OCA2: variants seen among roughly 807,000 people sequenced by gnomAD.
OCA2 encodes the protein OCA2 melanosomal transmembrane protein.
A neutral mutation model predicts 100.2 loss-of-function variants in OCA2; 77 were observed. The observed-to-expected ratio is 0.77, with a 90% confidence interval of 0.64 to 0.93. The LOEUF is 0.93. Among genes scored for constraint, OCA2 ranks in the 40% least tolerant of loss-of-function variants. OCA2 has a pLI of 0.00. For missense variants in OCA2, 1,062 were observed against 1,089.1 expected (o/e 0.98, Z 0.35); for synonymous variants, 432 against 439.2 (o/e 0.98, Z 0.21).
intron 7 of OCA2, among the ~76,000 whole-genome samples, chr15:28,016,725 G>T (rs1164831122): frequency 1.3e-5 from 2 of 152,044 alleles, no homozygotes; most frequent in Non-Finnish European, 2.9e-5. Context: ...AAGTTACAGT[G>T]AGCTGAGATC....
At chr15:28,031,241 T>C (rs1401231958) in intron 3 of OCA2, among the ~76,000 whole-genome samples, 2 of 152,216 alleles carry the variant, frequency 1.3e-5, no homozygotes, top group Non-Finnish European at 2.9e-5. Flanking sequence ...TCCCATTCCT[T>C]TGGATTCTGT....
chr15:27,795,545 C>G (rs1178849252), intron 23 of OCA2, among the ~76,000 whole-genome samples: 1 of 152,234 alleles, frequency 6.6e-6, no homozygotes, highest in Non-Finnish European at 1.5e-5. Flanking sequence ...GCCCCCCACT[C>G]TCACCCTCTC....
At chr15:27,955,104 ACT>A in intron 17 of OCA2, 52 bp downstream of exon 17, 1 of 1,260,234 alleles carries the variant, frequency 7.9e-7, no homozygotes, top group South Asian at 1.2e-5. Context: ...GGCATCACTC[ACT>A]CTCTTCTTGG....
chr15:27,767,441 G>C (rs765175916), intron 23 of OCA2, among the ~76,000 whole-genome samples: 3 of 152,168 alleles, frequency 2.0e-5, no homozygotes, highest in Non-Finnish European at 2.9e-5. Context: ...TGTCTAACTA[G>C]AGGATTGTAA....
chr15:27,901,279 C>T (rs1006681091), intron 19 of OCA2, among the ~76,000 whole-genome samples: 5 of 152,204 alleles, frequency 3.3e-5, no homozygotes, highest in African/African-American at 1.2e-4. Context: ...GCCCTTTAGT[C>T]CTGCCCCTGG....
chr15:27,881,977 A>T (rs2037037105), intron 19 of OCA2, among the ~76,000 whole-genome samples: 1 of 152,112 alleles, frequency 6.6e-6, no homozygotes, highest in Admixed American at 6.6e-5. Context: ...TGTCGATATG[A>T]CATCTTTCTA....
At position 27,895,925 on chromosome 15, in the gene OCA2, G is replaced by C. The variant is rs1402514967; in HGVS notation, c.2080-24003C>G. The C allele has an allele frequency of 1.2e-4, 78 of 643,366 alleles. No homozygotes were observed. In the East Asian group the frequency reaches 2.1e-3, roughly 17 times the overall value. 39.9% of individuals were successfully genotyped at this position (643,366 alleles called of 1,614,324 possible). ...TGCCCGTACAGAAGGGGATATGATA[G>C]TACGCACAGCATATGCATGTGAACT... On this transcript the variant is annotated intron_variant, in intron 19 of 23. Coordinates refer to ENST00000354638, the MANE Select transcript of OCA2 (RefSeq NM_000275.3).
chr15:27,775,042 C>T (rs1191818728), intron 23 of OCA2, among the ~76,000 whole-genome samples: 2 of 150,438 alleles, frequency 1.3e-5, no homozygotes, highest in African/African-American at 4.9e-5. Context: ...CAGTCACTTG[C>T]TCAAAGGAGT....
chr15:27,925,720 T>C (rs757000169), intron 19 of OCA2, among the ~76,000 whole-genome samples: 7 of 152,214 alleles, frequency 4.6e-5, no homozygotes, highest in Non-Finnish European at 1.0e-4. Context: ...AAACAATACA[T>C]ATTACTGATG....
At chr15:27,797,278 T>C (rs2033383369) in intron 23 of OCA2, among the ~76,000 whole-genome samples, 1 of 152,160 alleles carries the variant, frequency 6.6e-6, no homozygotes, top group African/African-American at 2.4e-5. Context: ...AAGAATCCCC[T>C]GCAATGCCCC....
At chr15:28,018,859 G>A (rs1328769134) in intron 6 of OCA2, among the ~76,000 whole-genome samples, 1 of 152,136 alleles carries the variant, frequency 6.6e-6, no homozygotes, top group African/African-American at 2.4e-5. Flanking sequence ...GACCTGAATG[G>A]ACAGGCCTCG....
At chr15:27,804,231 A>T (rs1240286448) in intron 23 of OCA2, among the ~76,000 whole-genome samples, 1 of 152,186 alleles carries the variant, frequency 6.6e-6, no homozygotes, top group Non-Finnish European at 1.5e-5. Context: ...AGGAATTGTG[A>T]GAAGAACAGC....
Position 28,088,861 on chromosome 15 carries a change from C to G in OCA2, c.-21-6966G>C, listed in dbSNP as rs141360794. ...AGGCACATGTTGTCTTTGATGACAT[C>G]TTAATCAGGAGACAGGGTTTGAGAG... On this transcript the variant is annotated intron_variant, in intron 1 of 23. Coordinates refer to ENST00000354638, the MANE Select transcript of OCA2 (RefSeq NM_000275.3). 1.2e-3 allele frequency among the ~76,000 whole-genome samples: 177 copies of G among 152,318 alleles called. 1 individual carries two copies. Among genetic ancestry groups the G allele is most frequent in the African/African-American group, 4.0e-3 (166 of 41,570 alleles).
chr15:27,905,389 G>A (rs915544352), intron 19 of OCA2, among the ~76,000 whole-genome samples: 13 of 152,178 alleles, frequency 8.5e-5, no homozygotes, highest in African/African-American at 2.9e-4. Flanking sequence ...CCCCCAGCCT[G>A]CTCTCTCTCT....
intron 23 of OCA2, among the ~76,000 whole-genome samples, chr15:27,822,458 G>A (rs28471994): frequency 0.5 from 76,752 of 152,006 alleles, 19,984 homozygotes; most frequent in South Asian, 0.76. Context: ...GAGTGAGACT[G>A]AGGGTTCATG....
chr15:27,742,292 A>C, the OCA2 span, among the ~76,000 whole-genome samples: 1 of 152,214 alleles, frequency 6.6e-6, no homozygotes, highest in Non-Finnish European at 1.5e-5. Flanking sequence ...ATCATTCCCC[A>C]GTGCTCTAAA....
chr15:28,094,967 G>C (rs954607056), intron 1 of OCA2, among the ~76,000 whole-genome samples: 1 of 152,238 alleles, frequency 6.6e-6, no homozygotes, highest in East Asian at 1.9e-4. Flanking sequence ...GGCGTTCCAC[G>C]CCTGGGCCCT....
chr15:27,860,407 G>A (rs2036087481), intron 21 of OCA2, among the ~76,000 whole-genome samples: 1 of 152,192 alleles, frequency 6.6e-6, no homozygotes, highest in African/African-American at 2.4e-5. Flanking sequence ...CCCAAGCAGT[G>A]AGCATAGTAC....
At chr15:28,090,476 A>C (rs1298487066) in intron 1 of OCA2, among the ~76,000 whole-genome samples, 3 of 152,238 alleles carry the variant, frequency 2.0e-5, no homozygotes, top group African/African-American at 7.2e-5. Flanking sequence ...CAAATTTAAA[A>C]GAATTGAAAT....
Sources: gnomAD v4.1 joint callset for allele counts (sites outside exome capture counted in the v4.1 genomes callset) on GRCh38, gnomAD v4.1.1 for gene constraint, MANE v1.5 for transcripts, NCBI Gene and HGNC (gene_info 2026-07-23, HGNC 2026-07-21) for gene names.